The following TTC29 variants were observed in gnomAD, a reference collection of about 807,000 sequenced individuals.
The protein encoded by TTC29 is tetratricopeptide repeat protein 29.
In TTC29, 49 loss-of-function variants were observed where a neutral mutation model predicts 58.1. That is an observed-to-expected ratio of 0.84 (90% CI 0.67 to 1.07). The LOEUF is 1.07. Ranked by LOEUF, TTC29 falls within the 50% of genes least tolerant of loss-of-function variation. The pLI is 0.00. For synonymous variants in TTC29, 209 were observed against 196.8 expected (o/e 1.06, Z -0.52); for missense variants, 582 against 555.6 (o/e 1.05, Z -0.48).
In TTC29 at chr4:146,873,596, T is replaced by C. The variant is rs183608584; in HGVS notation, c.799+1120A>G. Among the ~76,000 whole-genome samples, 3 of 152,330 alleles carry C rather than the reference T, an allele frequency of 2.0e-5. No homozygotes were observed. In the East Asian group the frequency reaches 5.8e-4, roughly 29 times the overall value. On this transcript the variant is annotated intron_variant, in intron 7 of 12. Transcript: ENST00000325106. Reference sequence around the variant, plus strand: ...TGCATTCCTTTTCATTGAAATTCCATGTAACTTTCCATGTGACTAAAGTTT... The same window carrying C: ...TGCATTCCTTTTCATTGAAATTCCACGTAACTTTCCATGTGACTAAAGTTT...
chr4:146,838,058 G>A (rs77724217), intron 8 of TTC29, among the ~76,000 whole-genome samples: 9,726 of 152,058 alleles, frequency 0.064, 406 homozygotes, highest in Admixed American at 0.13. Flanking sequence ...TGCTCCAATA[G>A]TTTCAGTGAG....
chr4:146,779,708 C>T (rs576563857), intron 11 of TTC29, among the ~76,000 whole-genome samples: 2 of 152,204 alleles, frequency 1.3e-5, no homozygotes, highest in South Asian at 4.2e-4. Context: ...AGCACTTATC[C>T]CACAGTCTTT....
At chr4:146,715,368 C>T (rs571591340) in intron 11 of TTC29, among the ~76,000 whole-genome samples, 29 of 152,190 alleles carry the variant, frequency 1.9e-4, no homozygotes, top group Non-Finnish European at 4.0e-4. Flanking sequence ...CCTAAGTGTC[C>T]GTTAACAGAC....
intron 5 of TTC29, among the ~76,000 whole-genome samples, chr4:146,904,376 C>G (rs1423409518): frequency 6.6e-6 from 1 of 152,056 alleles, no homozygotes. Flanking sequence ...GCTGGGAATG[C>G]ATAAATACTG....
At chr4:146,938,075 T>C (rs1736011559) in intron 3 of TTC29, among the ~76,000 whole-genome samples, 1 of 152,186 alleles carries the variant, frequency 6.6e-6, no homozygotes. Context: ...ATGTGTAACG[T>C]GAATTTATTC....
At chr4:146,797,834 A>T (rs1484125749) in intron 11 of TTC29, among the ~76,000 whole-genome samples, 19 of 64,080 alleles carry the variant, frequency 3.0e-4, no homozygotes, top group South Asian at 9.7e-4. Flanking sequence ...ACTTTGTTTT[A>T]TATATATATA....
chr4:146,884,865 C>T (rs1731873672), intron 6 of TTC29, among the ~76,000 whole-genome samples: 1 of 151,906 alleles, frequency 6.6e-6, no homozygotes, highest in African/African-American at 2.4e-5. Context: ...CAGTTTATGC[C>T]ATTTTCTCTT....
At chr4:146,818,923 G>A (rs1751625844) in intron 10 of TTC29, among the ~76,000 whole-genome samples, 1 of 151,938 alleles carries the variant, frequency 6.6e-6, no homozygotes, top group Admixed American at 6.6e-5. Context: ...ATCACACTCT[G>A]GGGACTGTTG....
At chr4:146,812,059 A>G (rs1751060025) in intron 10 of TTC29, among the ~76,000 whole-genome samples, 1 of 152,206 alleles carries the variant, frequency 6.6e-6, no homozygotes, top group African/African-American at 2.4e-5. Context: ...ATAAAACTGT[A>G]TCAAAGATAT....
chr4:146,887,359 G>C (rs149563027), intron 6 of TTC29, among the ~76,000 whole-genome samples: 1 of 152,192 alleles, frequency 6.6e-6, no homozygotes, highest in African/African-American at 2.4e-5. Context: ...CCATTATGTA[G>C]CTTGTAGATA....
intron 11 of TTC29, among the ~76,000 whole-genome samples, chr4:146,713,134 G>GTA (rs1554003584): frequency 2.6e-5 from 4 of 151,198 alleles, no homozygotes; most frequent in African/African-American, 9.7e-5. Context: ...GTGTGTGTGT[G>GTA]TGTGTGTAAG....
chr4:146,903,039 T>A (rs1733260579), intron 6 of TTC29, among the ~76,000 whole-genome samples: 1 of 152,188 alleles, frequency 6.6e-6, no homozygotes, highest in Non-Finnish European at 1.5e-5. Context: ...CTATATATTA[T>A]CTATTTCTGA....
rs544579432 is a variant in TTC29 at position 146,809,165 on chromosome 4, G to C, written c.1102-5480C>G. On this transcript the variant is annotated intron_variant, in intron 10 of 12. Coordinates refer to ENST00000325106, the MANE Select transcript of TTC29 (RefSeq NM_031956.4). ...GATTCCCTATTTAATAAATGGTGCT[G>C]GGAAAACTGGCTAGCCATATGCAAA... 3.4e-4 allele frequency among the ~76,000 whole-genome samples: 51 copies of C among 150,024 alleles called. 2 individuals carry two copies. The highest frequency in any genetic ancestry group is 1.1e-3 in the African/African-American group (45 of 40,990).
intron 8 of TTC29, among the ~76,000 whole-genome samples, chr4:146,855,352 G>C (rs546603591): frequency 1.3e-5 from 2 of 152,300 alleles, no homozygotes; most frequent in Admixed American, 1.3e-4. Context: ...AGACTAGCTT[G>C]AACCCAGGAG....
intron 11 of TTC29, among the ~76,000 whole-genome samples, chr4:146,787,349 A>T (rs1033964058): frequency 7.2e-5 from 11 of 152,172 alleles, no homozygotes; most frequent in African/African-American, 2.7e-4. Context: ...TTTGATATGT[A>T]CCTATTATAT....
At chr4:146,806,803 C>A (rs749030559) in intron 10 of TTC29, among the ~76,000 whole-genome samples, 1 of 151,866 alleles carries the variant, frequency 6.6e-6, no homozygotes, top group Non-Finnish European at 1.5e-5. Flanking sequence ...AATTTAACAC[C>A]CCACTGTCAA....
intron 11 of TTC29, among the ~76,000 whole-genome samples, chr4:146,786,791 C>G (rs1314658608): frequency 6.6e-6 from 1 of 151,744 alleles, no homozygotes; most frequent in African/African-American, 2.4e-5. Flanking sequence ...TATTTAGGCC[C>G]AGAAAAAAAA....
intron 6 of TTC29, among the ~76,000 whole-genome samples, chr4:146,877,975 C>A (rs1424293726): frequency 6.6e-6 from 1 of 152,054 alleles, no homozygotes; most frequent in Non-Finnish European, 1.5e-5. Context: ...TGGAAGAAAT[C>A]AGGACAAAAT....
At chr4:146,724,639 G>A (rs1216925009) in intron 11 of TTC29, among the ~76,000 whole-genome samples, 2 of 151,652 alleles carry the variant, frequency 1.3e-5, no homozygotes, top group South Asian at 2.1e-4. Context: ...TCAGCTTCCC[G>A]AGTAGCTGGG....
Sources: gnomAD v4.1 joint callset for allele counts (sites outside exome capture counted in the v4.1 genomes callset) on GRCh38, gnomAD v4.1.1 for gene constraint, MANE v1.5 for transcripts, NCBI Gene and HGNC (gene_info 2026-07-23, HGNC 2026-07-21) for gene names.